GAREM1: variants seen among roughly 807,000 people sequenced by gnomAD.
GAREM1 encodes the protein GRB2 associated regulator of MAPK1 subtype 1.
In GAREM1, 26 loss-of-function variants were observed where a neutral mutation model predicts 71.3. The observed-to-expected ratio is 0.36, with a 90% CI of 0.27 to 0.51. The LOEUF (loss-of-function observed/expected upper bound fraction) is 0.51, where lower values mean the gene tolerates loss of function less well. Ranked by LOEUF, GAREM1 falls within the 20% of genes least tolerant of loss-of-function variation. GAREM1 has a pLI of 0.95. For synonymous variants in GAREM1, 440 were observed against 433.2 expected (o/e 1.02, Z -0.20); for missense variants, 1,026 against 1,103.1 (o/e 0.93, Z 0.99).
intron 2 of GAREM1, among the ~76,000 whole-genome samples, chr18:32,316,228 C>T (rs1206297657): frequency 6.6e-6 from 1 of 152,270 alleles, no homozygotes; most frequent in South Asian, 2.1e-4. Flanking sequence ...TGGCCAAATG[C>T]TACAACTGTT....
chr18:32,440,506 T>G (rs1177839644), intron 1 of GAREM1, among the ~76,000 whole-genome samples: 2 of 152,226 alleles, frequency 1.3e-5, no homozygotes, highest in Non-Finnish European at 2.9e-5. Context: ...TGAGCCTCAT[T>G]AAAGGTGATG....
At chr18:32,350,925 G>A (rs2047743533) in intron 2 of GAREM1, among the ~76,000 whole-genome samples, 1 of 152,134 alleles carries the variant, frequency 6.6e-6, no homozygotes, top group African/African-American at 2.4e-5. Flanking sequence ...GATAAATACA[G>A]TATGTTTTTA....
intron 1 of GAREM1, among the ~76,000 whole-genome samples, chr18:32,409,811 T>C (rs1372414933): frequency 6.6e-6 from 1 of 152,180 alleles, no homozygotes; most frequent in African/African-American, 2.4e-5. Flanking sequence ...GATAAGCAAC[T>C]GTAGTACCAG....
chr18:32,311,566 A>C (rs897419257), intron 2 of GAREM1, among the ~76,000 whole-genome samples: 1 of 152,142 alleles, frequency 6.6e-6, no homozygotes, highest in Non-Finnish European at 1.5e-5. Flanking sequence ...AGGGAGACCA[A>C]TCAGTATTGC....
chr18:32,273,714 T>TGAGAGAGAGAGAGAGAAAGAAA (rs2041498309), intron 4 of GAREM1, among the ~76,000 whole-genome samples: 1 of 150,954 alleles, frequency 6.6e-6, no homozygotes, highest in Non-Finnish European at 1.5e-5. Context: ...TGTGTGTGTG[T>TGAGAGAGAGAGAGAGAAAGAAA]GAGAGAGAGA....
chr18:32,428,754 C>T (rs2048597565), intron 1 of GAREM1, among the ~76,000 whole-genome samples: 1 of 152,088 alleles, frequency 6.6e-6, no homozygotes, highest in Non-Finnish European at 1.5e-5. Context: ...GAGGAGGGGC[C>T]CCAGACACAA....
intron 1 of GAREM1, among the ~76,000 whole-genome samples, chr18:32,393,260 C>T (rs140572970): frequency 1.3e-5 from 2 of 151,590 alleles, no homozygotes; most frequent in Admixed American, 6.6e-5. Flanking sequence ...ATGTTTCCCA[C>T]TCATTTGCAA....
At position 32,399,671 on chromosome 18, in the gene GAREM1, C is replaced by G. The variant is rs552837121; in HGVS notation, c.122-6636G>C. On this transcript the variant is annotated intron_variant, in intron 1 of 5. Coordinates refer to ENST00000269209, the MANE Select transcript of GAREM1 (RefSeq NM_001242409.2). ...CAAACCACTGCTCAACGAAATAAAA[C>G]AGGACACGAACAAATGGAAGAACAT... is the stretch of plus-strand genomic sequence containing the variant. Among the ~76,000 whole-genome samples, 61 of 152,132 alleles carry G rather than the reference C, an allele frequency of 4.0e-4. 1 individual carries two copies. In the South Asian group the frequency reaches 6.4e-3, roughly 16 times the overall value.
intron 2 of GAREM1, among the ~76,000 whole-genome samples, chr18:32,328,915 G>T (rs979916765): frequency 1.3e-5 from 2 of 152,150 alleles, no homozygotes; most frequent in Non-Finnish European, 2.9e-5. Flanking sequence ...AGAGACTGAT[G>T]ATAAAATTAT....
At chr18:32,469,557 C>T (rs144233241) in intron 1 of GAREM1, among the ~76,000 whole-genome samples, 149 of 152,330 alleles carry the variant, frequency 9.8e-4, no homozygotes, top group African/African-American at 3.3e-3. Flanking sequence ...TTGCAGCTGT[C>T]ACACCGCAGA....
At chr18:32,322,278 T>A (rs2047436061) in intron 2 of GAREM1, among the ~76,000 whole-genome samples, 1 of 152,140 alleles carries the variant, frequency 6.6e-6, no homozygotes, top group Non-Finnish European at 1.5e-5. Flanking sequence ...TGGTACAGAA[T>A]AGATTTGCAG....
intron 1 of GAREM1, among the ~76,000 whole-genome samples, chr18:32,399,709 G>T (rs1255087519): frequency 6.6e-6 from 1 of 152,176 alleles, no homozygotes; most frequent in Non-Finnish European, 1.5e-5. Flanking sequence ...CATGCTCATG[G>T]ATAGGAAGAA....
At chr18:32,433,169 C>A (rs779243030) in intron 1 of GAREM1, among the ~76,000 whole-genome samples, 7 of 151,328 alleles carry the variant, frequency 4.6e-5, no homozygotes, top group Admixed American at 1.3e-4. Context: ...AAAAACAACC[C>A]CACACAGGAT....
intron 2 of GAREM1, among the ~76,000 whole-genome samples, chr18:32,330,853 A>C (rs1048185691): frequency 6.6e-6 from 1 of 152,208 alleles, no homozygotes; most frequent in Non-Finnish European, 1.5e-5. Flanking sequence ...GGAGGAAAGA[A>C]GGGAACATTT....
rs148353493 is a variant in GAREM1, at chr18:32,470,121, CCTT to C, written c.121+184_121+186del. Among the ~76,000 whole-genome samples, 2,946 of 152,258 alleles carry C rather than the reference CCTT, an allele frequency of 0.019. 84 individuals are homozygous for C. The highest frequency in any genetic ancestry group is 0.067 in the African/African-American group (2,766 of 41,536). On this transcript the variant is annotated intron_variant, in intron 1 of 5. Transcript: ENST00000269209. The surrounding 1 kb of genome is among the most constrained non-coding windows in gnomAD (Gnocchi z 4.4). ...ACTGCAAGGACTCTGATTTCCACCT[CCTT>C]GTCTGCTGCTGGGGGGAGTTGAGAG...
chr18:32,430,912 G>A lies in GAREM1; in HGVS notation c.122-37877C>T, dbSNP rs185321619. On this transcript the variant is annotated intron_variant, in intron 1 of 5. Coordinates refer to ENST00000269209, the MANE Select transcript of GAREM1 (RefSeq NM_001242409.2). ...AAAAGCTAAAGCTTTGATTTTTTTG[G>A]CCAGAAGACTAGGAAGGGGGTTTCA... Among the ~76,000 whole-genome samples the A allele has an allele frequency of 3.3e-3, 507 of 152,212 alleles. 4 individuals carry two copies. Among genetic ancestry groups the A allele is most frequent in the African/African-American group, 0.012 (485 of 41,532 alleles).
intron 4 of GAREM1, among the ~76,000 whole-genome samples, chr18:32,286,294 T>C (rs969863562): frequency 7.2e-5 from 11 of 151,738 alleles, no homozygotes; most frequent in African/African-American, 2.7e-4. Flanking sequence ...AGGTGTTAAA[T>C]AGAACTACCC....
rs747002028 is a variant in GAREM1 at position 32,287,436 on chromosome 18, C to G, written c.1161G>C (p.Ser387=). ...GGAGATTGTTGCCATACACACAGAC[C>G]GAGAGTCGGTGGAAGGACTGGGTGA... ...DELTQSFHRL[S]VCVYGNNLHG... is the part of the protein sequence containing the mutation. Residue 387 remains serine, a synonymous_variant, in exon 4 of 6, where the codon TCG becomes TCC. Transcript: ENST00000269209. The surrounding 1 kb of genome is among the most constrained non-coding windows in gnomAD (Gnocchi z 5.9). 1 of 1,614,162 alleles carries G rather than the reference C, an allele frequency of 6.2e-7. No homozygotes were observed. Among genetic ancestry groups the G allele is most frequent in the South Asian group, 1.1e-5 (1 of 91,068 alleles).
rs146436517 is a variant in GAREM1 at position 32,309,003 on chromosome 18, C to T, written c.393+1190G>A. On this transcript the variant is annotated intron_variant, in intron 3 of 5. Coordinates refer to ENST00000269209, the MANE Select transcript of GAREM1 (RefSeq NM_001242409.2). ...ACTGCTGCATTCTTGGGCCAAGACACCATGTAGTCTGTTTTTCACATAGAG... is the reference window on the plus strand; with the variant it reads ...ACTGCTGCATTCTTGGGCCAAGACATCATGTAGTCTGTTTTTCACATAGAG... Among the ~76,000 whole-genome samples the T allele has an allele frequency of 8.2e-4, 123 of 150,124 alleles. 6 individuals carry two copies. The highest frequency in any genetic ancestry group is 2.9e-3 in the African/African-American group (117 of 40,558).
Sources: gnomAD v4.1 joint callset for allele counts (sites outside exome capture counted in the v4.1 genomes callset) on GRCh38, gnomAD v4.1.1 for gene constraint, Gnocchi (gnomAD v3.1) non-coding constraint, MANE v1.5 for transcripts, NCBI Gene and HGNC (gene_info 2026-07-23, HGNC 2026-07-21) for gene names.